The following CPO variants were observed in gnomAD, a reference collection of about 807,000 sequenced individuals.
The protein encoded by CPO is carboxypeptidase O.
Under a neutral mutation model 41.2 loss-of-function variants are expected in CPO, and 43 were observed. The observed-to-expected ratio is 1.04, with a 90% CI of 0.82 to 1.35. The LOEUF is 1.35. Among genes scored for constraint, CPO ranks in the 40% most tolerant of loss-of-function variants. The probability of loss-of-function intolerance (pLI) is 0.00; values close to 1 mark genes in which losing one functional copy is unlikely to be tolerated. For missense variants in CPO, 408 were observed against 451.7 expected (o/e 0.90, Z 0.88); for synonymous variants, 178 against 162.7 (o/e 1.09, Z -0.72).
intron 3 of CPO, among the ~76,000 whole-genome samples, chr2:206,956,319 A>T (rs1693355714): frequency 6.6e-6 from 1 of 152,108 alleles, no homozygotes; most frequent in Non-Finnish European, 1.5e-5. Flanking sequence ...GCATACTTCG[A>T]ACACTCTCTA....
chr2:206,949,384 C>G (rs779002737), intron 1 of CPO, among the ~76,000 whole-genome samples: 1 of 152,192 alleles, frequency 6.6e-6, no homozygotes, highest in African/African-American at 2.4e-5. Flanking sequence ...AGCCTCCCTG[C>G]AAGGTTGGAA....
chr2:206,967,495 C>G (rs1693603910), intron 7 of CPO, among the ~76,000 whole-genome samples: 1 of 151,856 alleles, frequency 6.6e-6, no homozygotes, highest in Admixed American at 6.6e-5. Context: ...TTGGAGGGAT[C>G]AGGTAAGGCC....
intron 1 of CPO, among the ~76,000 whole-genome samples, chr2:206,945,799 G>T (rs1009047154): frequency 6.6e-6 from 1 of 152,036 alleles, no homozygotes; most frequent in Admixed American, 6.6e-5. Flanking sequence ...AGCCAGGCAT[G>T]GTGGCACATG....
chr2:206,962,721 C>A, intron 7 of CPO, 107 bp downstream of exon 7: 1 of 838,842 alleles, frequency 1.2e-6, no homozygotes, highest in Non-Finnish European at 2.0e-6. Context: ...CTTTTGTTCT[C>A]TCTGCTTATC....
intron 3 of CPO, among the ~76,000 whole-genome samples, chr2:206,956,687 C>T (rs1222824335): frequency 1.3e-5 from 2 of 152,208 alleles, no homozygotes; most frequent in African/African-American, 2.4e-5. Context: ...TCCAGGACCA[C>T]TCTTTAATTA....
chr2:206,949,529 G>T, intron 1 of CPO, 88 bp from the exon 2 acceptor site: 1 of 894,394 alleles, frequency 1.1e-6, no homozygotes, highest in Admixed American at 1.8e-5. Context: ...TGTGCACACT[G>T]ATTCTACTAC....
rs1252403824 is a variant in CPO, at chr2:206,969,375, G to A, written c.1064G>A (p.Gly355Glu). 8.1e-6 allele frequency: 13 copies of A among 1,614,044 alleles called. No individual in the cohort carries two copies. The highest frequency in any genetic ancestry group is 1.1e-5 in the Non-Finnish European group (13 of 1,179,980). Residue 355 changes from glycine to glutamate, a missense_variant, in exon 9 of 9, where the codon GGA becomes GAA. Transcript: ENST00000272852. ...AAACACTGGCACTCGGACAGTGCTG[G>A]AAGGGTGACATCTGCCACTATGCTG... ...YAKHWHSDSAGRVTSATMLLG... is the reference protein window; with the variant it reads ...YAKHWHSDSAERVTSATMLLG...
intron 8 of CPO, 103 bp from the exon 9 acceptor site, chr2:206,969,071 C>G: frequency 8.3e-7 from 1 of 1,198,642 alleles, no homozygotes; most frequent in South Asian, 1.4e-5. Context: ...TCTAAAAGAG[C>G]TTCTTTATTT....
rs1416701099 is a variant in CPO at position 206,969,470 on chromosome 2, G to A, written c.*34G>A. 1 of 1,605,614 alleles carries A rather than the reference G, an allele frequency of 6.2e-7. No homozygotes were observed. Among genetic ancestry groups the A allele is most frequent in the Non-Finnish European group, 8.5e-7 (1 of 1,172,860 alleles). On this transcript the variant is annotated 3_prime_UTR_variant, in exon 9 of 9. Transcript: ENST00000272852. Reference sequence around the variant, plus strand: ...TGCCCAGGCCTGCTCAACCCCAGTGGCATGAGTGTGGCTGGAGGAACGGTG... The same window carrying A: ...TGCCCAGGCCTGCTCAACCCCAGTGACATGAGTGTGGCTGGAGGAACGGTG...
At chr2:206,951,073 G>T (rs2105822237) in intron 2 of CPO, among the ~76,000 whole-genome samples, 1 of 147,750 alleles carries the variant, frequency 6.8e-6, no homozygotes, top group Admixed American at 6.7e-5. Context: ...AGAACTTAAA[G>T]TATAATTAAA....
intron 7 of CPO, 33 bp downstream of exon 7, chr2:206,962,647 C>T (rs781247432): frequency 1.4e-5 from 21 of 1,548,738 alleles, no homozygotes; most frequent in Non-Finnish European, 1.9e-5. Flanking sequence ...TCCAGAAAAA[C>T]CTCAGCAAGA....
Position 206,962,634 on chromosome 2 carries a change from G to A in CPO, c.777+20G>A, listed in dbSNP as rs987608452. Reference sequence around the variant, plus strand: ...GAAATGGTGAGTCCATAGCACCAAGGCCTCCAGAAAAACCTCAGCAAGACC... The same window carrying A: ...GAAATGGTGAGTCCATAGCACCAAGACCTCCAGAAAAACCTCAGCAAGACC... On this transcript the variant is annotated intron_variant, in intron 7 of 8. Transcript: ENST00000272852. 6.9e-6 allele frequency: 11 copies of A among 1,599,424 alleles called. No homozygotes were observed. Among genetic ancestry groups the A allele is most frequent in the African/African-American group, 6.7e-5 (5 of 74,418 alleles).
chr2:206,955,763 GA>G (rs1693347043), intron 3 of CPO, among the ~76,000 whole-genome samples, 199 bp downstream of exon 3: 1 of 152,148 alleles, frequency 6.6e-6, no homozygotes, highest in Non-Finnish European at 1.5e-5. Context: ...TCAAGTTCAG[GA>G]GTGAAGAGAA....
chr2:206,943,706 AGATAGATAGATG>A (rs757748910), intron 1 of CPO, among the ~76,000 whole-genome samples: 1,152 of 75,244 alleles, frequency 0.015, 12 homozygotes, highest in South Asian at 0.026. Context: ...ATAGATAGAT[AGATAGATAGATG>A]ATGGATAGAT....
chr2:206,946,547 G>A (rs1406317254), intron 1 of CPO, among the ~76,000 whole-genome samples: 1 of 152,124 alleles, frequency 6.6e-6, no homozygotes, highest in Non-Finnish European at 1.5e-5. Flanking sequence ...TCCTACTAAG[G>A]TGAAGGCAAG....
intron 1 of CPO, among the ~76,000 whole-genome samples, chr2:206,943,713 TAGATGATGGATAGATGATA>T (rs1170542496): frequency 2.8e-5 from 2 of 71,930 alleles, no homozygotes; most frequent in African/African-American, 5.4e-5. Context: ...GATAGATAGA[TAGATGATGGATAGATGATA>T]GATAGATAGA....
At chr2:206,958,656 A>G (rs534604518) in intron 4 of CPO, among the ~76,000 whole-genome samples, 13 of 147,946 alleles carry the variant, frequency 8.8e-5, no homozygotes, top group Non-Finnish European at 1.8e-4. Flanking sequence ...AGAAGAACAT[A>G]TGTCTATGGA....
At chr2:206,956,353 G>A (rs1693356562) in intron 3 of CPO, among the ~76,000 whole-genome samples, 1 of 152,158 alleles carries the variant, frequency 6.6e-6, no homozygotes, top group East Asian at 1.9e-4. Context: ...TGTAACCAGA[G>A]TTGACAATCT....
At chr2:206,967,367 AT>A (rs1693601227) in intron 7 of CPO, among the ~76,000 whole-genome samples, 1 of 86,008 alleles carries the variant, frequency 1.2e-5, no homozygotes, top group Non-Finnish European at 3.0e-5. Flanking sequence ...ATAGATATAG[AT>A]ATAGATATAG....
Sources: gnomAD v4.1 joint callset for allele counts (sites outside exome capture counted in the v4.1 genomes callset) on GRCh38, gnomAD v4.1.1 for gene constraint, MANE v1.5 for transcripts, NCBI Gene and HGNC (gene_info 2026-07-23, HGNC 2026-07-21) for gene names.